The following PLA2R1 variants were observed in gnomAD, a reference collection of about 807,000 sequenced individuals.
PLA2R1 encodes secretory phospholipase A2 receptor.
In PLA2R1, 158 loss-of-function variants were observed where a neutral mutation model predicts 195.9. The observed-to-expected ratio is 0.81, with a 90% CI of 0.71 to 0.92. The LOEUF (loss-of-function observed/expected upper bound fraction) is 0.92, where lower values mean the gene tolerates loss of function less well. Among genes scored for constraint, PLA2R1 ranks in the 40% least tolerant of loss-of-function variants. PLA2R1 has a pLI of 0.00. For synonymous variants in PLA2R1, 586 were observed against 598.2 expected, an observed-to-expected ratio of 0.98 and a Z score of 0.30; for missense variants, 1,626 against 1,764.6, an observed-to-expected ratio of 0.92 and a Z score of 1.41.
intron 4 of PLA2R1, among the ~76,000 whole-genome samples, chr2:160,030,765 T>C (rs1335636807): frequency 1.3e-5 from 2 of 152,262 alleles, no homozygotes; most frequent in Non-Finnish European, 2.9e-5. Context: ...TAGACTATTT[T>C]CATCATTAAA....
chr2:159,996,615 T>C (rs918390114), intron 11 of PLA2R1, among the ~76,000 whole-genome samples: 4 of 152,104 alleles, frequency 2.6e-5, no homozygotes, highest in African/African-American at 9.7e-5. Context: ...TCAGTTATTA[T>C]TGCTTCAAAT....
Position 160,044,944 on chromosome 2 carries a change from G to A in PLA2R1, c.323C>T (p.Ser108Phe). The stretch of plus-strand genomic sequence containing the variant: ...GCGCCACCGTAAGGAAACGAGGGTG[G>A]AGTCACATTCATATAAGCTTAATGG... The part of the protein sequence containing the change: ...EQPLSLYECD[S>F]TLVSLRWRCN... Residue 108 changes from serine (S) to phenylalanine (F), a missense_variant, in exon 2 of 30, where the codon TCC (serine) becomes TTC (phenylalanine). Transcript: ENST00000283243. 1 of 1,614,144 alleles carries A rather than the reference G, an allele frequency of 6.2e-7. No individual in the cohort carries two copies. Among genetic ancestry groups the A allele is most frequent in the Non-Finnish European group, 8.5e-7 (1 of 1,179,994 alleles).
the PLA2R1 span, among the ~76,000 whole-genome samples, chr2:159,924,732 G>C: frequency 1.9e-3 from 211 of 108,462 alleles, 1 homozygote; most frequent in African/African-American, 5.9e-3. Flanking sequence ...TGGGGGCTGG[G>C]GGGGGGGCGG....
intron 20 of PLA2R1, among the ~76,000 whole-genome samples, chr2:159,966,891 T>C (rs145201069): frequency 6.6e-6 from 1 of 152,322 alleles, no homozygotes; most frequent in Non-Finnish European, 1.5e-5. Context: ...TAGGCCTTAA[T>C]TGAAGGCAGC....
intron 11 of PLA2R1, among the ~76,000 whole-genome samples, chr2:159,989,980 G>A (rs1273568994): frequency 6.6e-6 from 1 of 152,178 alleles, no homozygotes; most frequent in African/African-American, 2.4e-5. Flanking sequence ...CTATGAAGAT[G>A]AAAAGTGCTG....
In PLA2R1 at chr2:159,987,152, T is replaced by C. The variant is rs753244948; in HGVS notation, c.2037+4A>G. 52 of 1,605,070 alleles carry C rather than the reference T, an allele frequency of 3.2e-5. No homozygotes were observed. The highest frequency in any genetic ancestry group is 4.1e-5 in the Non-Finnish European group (48 of 1,171,976). ...TAAGAATGTCCATGTAACCTTGGTA[T>C]CACCTTGAAGCAACTGGCCAGACCA... On this transcript the variant is annotated splice_donor_region_variant and intron_variant, in intron 12 of 29. Coordinates refer to ENST00000283243, the MANE Select transcript of PLA2R1 (RefSeq NM_007366.5).
intron 10 of PLA2R1, among the ~76,000 whole-genome samples, chr2:160,010,524 C>T (rs1396789843): frequency 6.6e-6 from 1 of 152,218 alleles, no homozygotes; most frequent in Non-Finnish European, 1.5e-5. Flanking sequence ...CCTGTCATTC[C>T]ATTGTGCAGA....
At chr2:159,996,441 T>C (rs143516403) in intron 11 of PLA2R1, among the ~76,000 whole-genome samples, 1 of 152,068 alleles carries the variant, frequency 6.6e-6, no homozygotes, top group Admixed American at 6.6e-5. Flanking sequence ...AGATAAGGTG[T>C]TTTTCCCCTC....
intron 3 of PLA2R1, among the ~76,000 whole-genome samples, chr2:160,035,139 T>G (rs993228491): frequency 6.6e-6 from 1 of 152,210 alleles, no homozygotes; most frequent in African/African-American, 2.4e-5. Context: ...AAAACACTTT[T>G]GGGCCCAAGA....
chr2:160,037,383 C>T (rs1383198740), intron 3 of PLA2R1, among the ~76,000 whole-genome samples: 1 of 152,160 alleles, frequency 6.6e-6, no homozygotes, highest in Non-Finnish European at 1.5e-5. Flanking sequence ...TTGTTTCTCT[C>T]TTCTTCATTC....
rs34797819 is a variant in PLA2R1 at position 160,056,627 on chromosome 2, C to G, written c.109+5668G>C. Among the ~76,000 whole-genome samples the G allele has an allele frequency of 4.2e-3, 646 of 152,246 alleles. 2 individuals are homozygous for G. Among genetic ancestry groups the G allele is most frequent in the Middle Eastern group, 0.034 (10 of 294 alleles). On this transcript the variant is annotated intron_variant, in intron 1 of 29. Transcript: ENST00000283243. ...ATTTTCCTCTTTTTAAACCCTGTTT[C>G]TTGAACCCAAACTTTCTGCTCCTCA...
chr2:160,032,987 TG>T lies in PLA2R1; in HGVS notation c.812del (p.Thr271LysfsTer9). ...TTATGAAATTTTCTTCAGTTTCATC[TG>T]TAATACTTAACAGCGTACCTCCTTG... is the stretch of plus-strand genomic sequence containing the variant. Reference protein sequence around the residue: ...QMQGGTLLSITDETEENFIRE... With the variant: ...QMQGGTLLSIXDETEENFIRE... On this transcript the variant is annotated frameshift_variant, in exon 4 of 30. Transcript: ENST00000283243. LOFTEE classifies it high-confidence loss of function. 6.2e-7 allele frequency: 1 copy of T among 1,612,930 alleles called. No individual in the cohort carries two copies. Among genetic ancestry groups the T allele is most frequent in the Non-Finnish European group, 8.5e-7 (1 of 1,179,422 alleles).
Position 159,932,901 on chromosome 2 carries a change from T to C in PLA2R1, c.*8877A>G, listed in dbSNP as rs977386474. The C allele has an allele frequency of 1.3e-5, 2 of 151,844 alleles. No individual in the cohort carries two copies. The highest frequency in any genetic ancestry group is 2.9e-5 in the Non-Finnish European group (2 of 67,980). The allele number at this position is 151,844 out of a possible 1,614,324, so 9.4% of individuals were successfully genotyped here. On this transcript the variant is annotated 3_prime_UTR_variant, in exon 30 of 30. Coordinates refer to ENST00000283243, the MANE Select transcript of PLA2R1 (RefSeq NM_007366.5). ...GATCTAATATAAATAAGAGACTTAATGGGAGAAACAGAAACACATTTTACA... is the reference window on the plus strand; with the variant it reads ...GATCTAATATAAATAAGAGACTTAACGGGAGAAACAGAAACACATTTTACA...
intron 10 of PLA2R1, among the ~76,000 whole-genome samples, chr2:160,012,422 T>C (rs2105428158): frequency 6.6e-6 from 1 of 152,258 alleles, no homozygotes; most frequent in Admixed American, 6.5e-5. Context: ...ATGGGGCAGA[T>C]TGTATGGAGT....
In PLA2R1 at chr2:160,062,352, C is replaced by T. The variant is rs897624584; in HGVS notation, c.52G>A (p.Gly18Ser). 10 of 1,536,802 alleles carry T rather than the reference C, an allele frequency of 6.5e-6. No individual in the cohort carries two copies. Among genetic ancestry groups the T allele is most frequent in the Admixed American group, 2.0e-5 (1 of 50,052 alleles). The change falls in exon 1 of 30, where the codon GGC becomes AGC. Residue 18 changes from glycine to serine, a missense_variant. Coordinates refer to ENST00000283243, the MANE Select transcript of PLA2R1 (RefSeq NM_007366.5). ...LLLLLLGAPRGCAEGVAAALT... is the reference protein window; with the variant it reads ...LLLLLLGAPRSCAEGVAAALT... ...GCCGCCGCCACACCCTCGGCGCAGC[C>T]CCGCGGCGCCCCCAGCAGCAGCAGC...
chr2:159,978,133 C>A (rs1331373107), intron 14 of PLA2R1, among the ~76,000 whole-genome samples: 1 of 152,024 alleles, frequency 6.6e-6, no homozygotes, highest in African/African-American at 2.4e-5. Context: ...TTACTTTGAA[C>A]ATATGCTAAG....
chr2:159,925,827 G>A, the PLA2R1 span, among the ~76,000 whole-genome samples: 6 of 152,226 alleles, frequency 3.9e-5, no homozygotes, highest in South Asian at 1.2e-3. Context: ...TCTTAGATGG[G>A]ATTGGCATTT....
At chr2:159,950,456 C>T (rs1280421733) in intron 24 of PLA2R1, among the ~76,000 whole-genome samples, 1 of 152,170 alleles carries the variant, frequency 6.6e-6, no homozygotes, top group African/African-American at 2.4e-5. Flanking sequence ...CCTACTGGCA[C>T]AAGGATATTT....
chr2:160,006,377 C>T (rs906869448), intron 10 of PLA2R1, among the ~76,000 whole-genome samples: 1 of 152,184 alleles, frequency 6.6e-6, no homozygotes, highest in African/African-American at 2.4e-5. Context: ...AGAGGTAGGT[C>T]TCAGCTTATT....
Sources: gnomAD v4.1 joint callset for allele counts (sites outside exome capture counted in the v4.1 genomes callset) on GRCh38, gnomAD v4.1.1 for gene constraint, MANE v1.5 for transcripts, NCBI Gene and HGNC (gene_info 2026-07-23, HGNC 2026-07-21) for gene names.